Variants in PRKD1 observed in about 807,000 individuals in gnomAD.
PRKD1 encodes serine/threonine-protein kinase D1.
Under a neutral mutation model 95.9 loss-of-function variants are expected in PRKD1, and 63 were observed. The ratio of observed to expected loss-of-function variants is 0.66; its 90% CI spans 0.54 to 0.81. The LOEUF (loss-of-function observed/expected upper bound fraction) is 0.81. Ranked by LOEUF, PRKD1 falls within the 30% of genes least tolerant of loss-of-function variation. The pLI is 0.00. For missense variants in PRKD1, 1,048 were observed against 1,165.3 expected (o/e 0.90, Z 1.47); for synonymous variants, 425 against 423.1 (o/e 1.00, Z -0.05).
intron 1 of PRKD1, among the ~76,000 whole-genome samples, chr14:29,926,842 T>C (rs1046986766): frequency 6.6e-6 from 1 of 151,978 alleles, no homozygotes; most frequent in Non-Finnish European, 1.5e-5. Context: ...GGGGGCACTC[T>C]GGTGCAGGAA....
chr14:29,855,148 G>C (rs1008034149), intron 1 of PRKD1, among the ~76,000 whole-genome samples: 3 of 152,126 alleles, frequency 2.0e-5, no homozygotes, highest in African/African-American at 7.2e-5. Flanking sequence ...TGAGAAGAAG[G>C]CCACCATCCT....
chr14:29,815,478 TG>T (rs1231755247), intron 1 of PRKD1, among the ~76,000 whole-genome samples: 1 of 152,050 alleles, frequency 6.6e-6, no homozygotes, highest in African/African-American at 2.4e-5. Flanking sequence ...CACAAACTCA[TG>T]AAAAAACAAA....
chr14:29,741,519 G>A (rs1340835512), intron 1 of PRKD1, among the ~76,000 whole-genome samples: 4 of 152,094 alleles, frequency 2.6e-5, no homozygotes, highest in Non-Finnish European at 5.9e-5. Flanking sequence ...CATAGCAAAT[G>A]CTTTATATAT....
At chr14:29,740,900 T>C (rs932757770) in intron 1 of PRKD1, among the ~76,000 whole-genome samples, 1 of 152,206 alleles carries the variant, frequency 6.6e-6, no homozygotes, top group African/African-American at 2.4e-5. Flanking sequence ...GTGGTACATA[T>C]ACACCACAGA....
intron 1 of PRKD1, among the ~76,000 whole-genome samples, chr14:29,793,774 A>G (rs1889678143): frequency 6.6e-6 from 1 of 152,144 alleles, no homozygotes; most frequent in African/African-American, 2.4e-5. Flanking sequence ...AAAAGGAAAT[A>G]CACAATTTGT....
At chr14:29,724,834 C>G (rs1454199893) in intron 2 of PRKD1, among the ~76,000 whole-genome samples, 1 of 152,158 alleles carries the variant, frequency 6.6e-6, no homozygotes, top group East Asian at 1.9e-4. Flanking sequence ...GATACATTAT[C>G]ATTGCATTGA....
At chr14:29,717,410 A>G (rs1885664622) in intron 2 of PRKD1, among the ~76,000 whole-genome samples, 2 of 152,268 alleles carry the variant, frequency 1.3e-5, no homozygotes, top group African/African-American at 4.8e-5. Flanking sequence ...TTTACAGCAG[A>G]TGGATCAAGA....
At chr14:29,635,863 A>G (rs566474337) in intron 7 of PRKD1, among the ~76,000 whole-genome samples, 62 of 152,340 alleles carry the variant, frequency 4.1e-4, no homozygotes, top group African/African-American at 1.3e-3. Flanking sequence ...TACTTCTGAA[A>G]TAATATCAAG....
chr14:29,901,452 T>C lies in PRKD1; in HGVS notation c.264+25797A>G, dbSNP rs115841530. 5.1e-3 allele frequency among the ~76,000 whole-genome samples: 770 copies of C among 152,304 alleles called. 8 individuals carry two copies. Among genetic ancestry groups the C allele is most frequent in the African/African-American group, 0.018 (736 of 41,566 alleles). On this transcript the variant is annotated intron_variant, in intron 1 of 17. Transcript: ENST00000331968. ...ACCTCAGCATCATGCAATATACGCATTTAACGAACCTGCACATGTACTCCT... is the reference window on the plus strand; with the variant it reads ...ACCTCAGCATCATGCAATATACGCACTTAACGAACCTGCACATGTACTCCT...
intron 1 of PRKD1, among the ~76,000 whole-genome samples, chr14:29,920,587 T>TAC (rs5807556): frequency 0.23 from 32,232 of 141,172 alleles, 3,600 homozygotes; most frequent in Admixed American, 0.32. Flanking sequence ...TCCAGTCTAA[T>TAC]ACACACACAC....
intron 2 of PRKD1, among the ~76,000 whole-genome samples, chr14:29,711,176 T>C (rs956605855): frequency 6.6e-6 from 1 of 152,194 alleles, no homozygotes; most frequent in African/African-American, 2.4e-5. Flanking sequence ...AAAGGTGGTA[T>C]ATTGAGGCTA....
At chr14:29,761,975 T>C (rs1050214441) in intron 1 of PRKD1, among the ~76,000 whole-genome samples, 2 of 151,970 alleles carry the variant, frequency 1.3e-5, no homozygotes, top group Non-Finnish European at 2.9e-5. Context: ...TCTCACTATG[T>C]TCCCCAGGAT....
Position 29,626,542 on chromosome 14 carries a change from T to C in PRKD1, c.1740A>G (p.Val580=), listed in dbSNP as rs911167149. ...GTACTTCATCAGGAAAAATCTGATA[T>C]ACTGTGCTGATGTCCTAGAGGTACA... ...QIQENVDIST[V]YQIFPDEVLG... is the part of the protein sequence containing the mutation. Residue 580 remains valine, a synonymous_variant, in exon 12 of 18, where the codon GTA becomes GTG. Coordinates refer to ENST00000331968, the MANE Select transcript of PRKD1 (RefSeq NM_002742.3). 1 of 1,612,096 alleles carries C rather than the reference T, an allele frequency of 6.2e-7. No individual in the cohort carries two copies. The highest frequency in any genetic ancestry group is 8.5e-7 in the Non-Finnish European group (1 of 1,179,012).
chr14:29,820,865 C>T (rs543271305), intron 1 of PRKD1, among the ~76,000 whole-genome samples: 2 of 152,294 alleles, frequency 1.3e-5, no homozygotes, highest in African/African-American at 4.8e-5. Flanking sequence ...GAGACAACAT[C>T]AACAAGGAAA....
chr14:29,878,659 G>C (rs7155403), intron 1 of PRKD1, among the ~76,000 whole-genome samples: 2,271 of 152,176 alleles, frequency 0.015, 53 homozygotes, highest in African/African-American at 0.047. Flanking sequence ...AGACACAAAA[G>C]AATGAACATT....
chr14:29,810,768 A>ACCAAAGTGCACTTC (rs1350249081), intron 1 of PRKD1, among the ~76,000 whole-genome samples: 121 of 152,372 alleles, frequency 7.9e-4, no homozygotes, highest in African/African-American at 2.9e-3. Context: ...ACAGTCAGGC[A>ACCAAAGTGCACTTC]CCAAAGTGGG....
chr14:29,794,080 G>C (rs1168721180), intron 1 of PRKD1, among the ~76,000 whole-genome samples: 2 of 151,868 alleles, frequency 1.3e-5, no homozygotes, highest in Non-Finnish European at 2.9e-5. Flanking sequence ...TTTATTATTA[G>C]GTATTTTAAG....
At chr14:29,906,229 T>C (rs1371432058) in intron 1 of PRKD1, among the ~76,000 whole-genome samples, 1 of 151,334 alleles carries the variant, frequency 6.6e-6, no homozygotes, top group East Asian at 1.9e-4. Context: ...AAGCGTTAAG[T>C]TTAAGTCATG....
chr14:29,753,326 A>AAAT (rs1184710479), intron 1 of PRKD1, among the ~76,000 whole-genome samples: 2 of 152,062 alleles, frequency 1.3e-5, no homozygotes, highest in East Asian at 3.9e-4. Flanking sequence ...CTTAAACTTA[A>AAAT]GTAGCTGCTT....
Sources: gnomAD v4.1 joint callset for allele counts (sites outside exome capture counted in the v4.1 genomes callset) on GRCh38, gnomAD v4.1.1 for gene constraint, MANE v1.5 for transcripts, NCBI Gene and HGNC (gene_info 2026-07-23, HGNC 2026-07-21) for gene names.